VAV3: variants seen among roughly 807,000 people sequenced by gnomAD.
The protein encoded by VAV3 is guanine nucleotide exchange factor VAV3.
VAV3 carries 94 observed loss-of-function variants against 131.2 expected under a neutral mutation model. The ratio of observed to expected loss-of-function variants is 0.72; its 90% CI spans 0.61 to 0.85. The LOEUF is 0.85. Ranked by LOEUF, VAV3 falls within the 40% of genes least tolerant of loss-of-function variation. The pLI, the probability that VAV3 is intolerant of heterozygous loss-of-function variation, is 0.00. For synonymous variants in VAV3, 349 were observed against 342.0 expected, an observed-to-expected ratio of 1.02 and a Z score of -0.22; for missense variants, 939 against 1,002.7, an observed-to-expected ratio of 0.94 and a Z score of 0.86.
At chr1:107,955,377 T>C (rs976814278) in intron 1 of VAV3, among the ~76,000 whole-genome samples, 2 of 152,064 alleles carry the variant, frequency 1.3e-5, no homozygotes, top group African/African-American at 4.8e-5. Flanking sequence ...TTTCATCCCA[T>C]TGATGAATTT....
intron 2 of VAV3, among the ~76,000 whole-genome samples, chr1:107,822,867 G>A (rs571478222): frequency 7.9e-5 from 12 of 152,176 alleles, no homozygotes; most frequent in South Asian, 2.1e-4. Context: ...AGGTAATATG[G>A]ACATGTGAAG....
intron 15 of VAV3, among the ~76,000 whole-genome samples, chr1:107,729,861 C>G (rs912408991): frequency 7.9e-5 from 12 of 152,022 alleles, no homozygotes; most frequent in African/African-American, 2.9e-4. Flanking sequence ...TGTTTTTAGT[C>G]AAAAATTTTA....
At chr1:107,642,779 T>C (rs755634678) in intron 19 of VAV3, 24 bp from the exon 20 acceptor site, 3 of 1,612,636 alleles carry the variant, frequency 1.9e-6, no homozygotes. Flanking sequence ...AAACAAGTTT[T>C]AGAATTGAGA....
intron 19 of VAV3, chr1:107,669,468 C>T: frequency 7.8e-7 from 1 of 1,287,510 alleles, no homozygotes; most frequent in Admixed American, 2.3e-5. Context: ...GGAGACAGGG[C>T]ACATCTAATA....
At chr1:107,763,379 G>C (rs1664549056) in intron 9 of VAV3, among the ~76,000 whole-genome samples, 1 of 152,194 alleles carries the variant, frequency 6.6e-6, no homozygotes, top group African/African-American at 2.4e-5. Context: ...AAAGAAGGAA[G>C]AACAACACTC....
intron 17 of VAV3, among the ~76,000 whole-genome samples, chr1:107,701,708 T>C (rs1413693997): frequency 6.6e-6 from 1 of 152,138 alleles, no homozygotes; most frequent in Non-Finnish European, 1.5e-5. Context: ...TTTCAAATCA[T>C]CTCTCTCAAG....
chr1:107,876,383 T>C (rs1399804596), intron 1 of VAV3, among the ~76,000 whole-genome samples: 1 of 152,154 alleles, frequency 6.6e-6, no homozygotes, highest in African/African-American at 2.4e-5. Context: ...TCCTGAGTTT[T>C]GCTGCAGAGG....
At chr1:107,816,796 AC>A (rs1365036097) in intron 2 of VAV3, among the ~76,000 whole-genome samples, 1 of 152,222 alleles carries the variant, frequency 6.6e-6, no homozygotes, top group Non-Finnish European at 1.5e-5. Flanking sequence ...GTTTATTCAA[AC>A]CCTCTTATTT....
chr1:107,580,168 G>A (rs1649938537), intron 25 of VAV3, among the ~76,000 whole-genome samples: 1 of 152,188 alleles, frequency 6.6e-6, no homozygotes, highest in South Asian at 2.1e-4. Flanking sequence ...TCCTCCACAG[G>A]ATCAGGTCCA....
chr1:107,597,484 A>G (rs1570584142), intron 24 of VAV3, among the ~76,000 whole-genome samples: 1 of 152,210 alleles, frequency 6.6e-6, no homozygotes, highest in East Asian at 1.9e-4. Flanking sequence ...CCATTGAGGA[A>G]TTCTCATCTT....
intron 19 of VAV3, among the ~76,000 whole-genome samples, chr1:107,652,196 T>C (rs757607438): frequency 1.3e-5 from 2 of 152,120 alleles, no homozygotes; most frequent in African/African-American, 4.8e-5. Context: ...AAAACCAAGA[T>C]GGCCACGGGA....
intron 24 of VAV3, among the ~76,000 whole-genome samples, chr1:107,597,226 T>TAAAAAAAAAAAAAAA (rs11294561): frequency 7.2e-6 from 1 of 137,996 alleles, no homozygotes. Context: ...AAATAAAAAA[T>TAAAAAAAAAAAAAAA]AAAAAAAAAA....
intron 6 of VAV3, among the ~76,000 whole-genome samples, chr1:107,770,202 A>T (rs575208630): frequency 6.6e-6 from 1 of 151,990 alleles, no homozygotes; most frequent in African/African-American, 2.4e-5. Context: ...CACGGCTTAT[A>T]CCCTCAGTTC....
chr1:107,842,154 A>G (rs1668746546), intron 2 of VAV3, among the ~76,000 whole-genome samples: 2 of 152,190 alleles, frequency 1.3e-5, no homozygotes, highest in South Asian at 4.1e-4. Context: ...CTTCATACTT[A>G]TATTGTCTAC....
intron 1 of VAV3, among the ~76,000 whole-genome samples, chr1:107,946,330 G>C (rs978972365): frequency 2.6e-5 from 4 of 152,176 alleles, no homozygotes; most frequent in African/African-American, 9.7e-5. Flanking sequence ...TTACAGATGA[G>C]AAAATAGATT....
In VAV3 at chr1:107,574,038, C is replaced by T; in HGVS notation, c.2502+9G>A. 1 of 1,613,324 alleles carries T rather than the reference C, an allele frequency of 6.2e-7. No homozygotes were observed. The highest frequency in any genetic ancestry group is 8.5e-7 in the Non-Finnish European group (1 of 1,179,632). On this transcript the variant is annotated intron_variant, in intron 26 of 26. Coordinates refer to ENST00000370056, the MANE Select transcript of VAV3 (RefSeq NM_006113.5). ...CACATGCACCAGCACATCGAGAGGG[C>T]CAACTTACCCTGCCATTTACTTCTC...
intron 2 of VAV3, among the ~76,000 whole-genome samples, chr1:107,785,119 C>T (rs1286701774): frequency 6.6e-6 from 1 of 152,180 alleles, no homozygotes; most frequent in African/African-American, 2.4e-5. Context: ...AAACTATTCT[C>T]TTCATGAGAC....
intron 20 of VAV3, among the ~76,000 whole-genome samples, chr1:107,629,072 C>T (rs563654099): frequency 1.3e-5 from 2 of 152,194 alleles, no homozygotes; most frequent in Admixed American, 6.5e-5. Context: ...TTATAATTGC[C>T]TTTTGGTTCC....
intron 19 of VAV3, among the ~76,000 whole-genome samples, chr1:107,681,054 A>G (rs987934097): frequency 1.2e-4 from 19 of 152,206 alleles, no homozygotes; most frequent in South Asian, 2.1e-4. Flanking sequence ...GTTCCTTTCC[A>G]GTGCAAAAGG....
Sources: gnomAD v4.1 joint callset for allele counts (sites outside exome capture counted in the v4.1 genomes callset) on GRCh38, gnomAD v4.1.1 for gene constraint, MANE v1.5 for transcripts, NCBI Gene and HGNC (gene_info 2026-07-23, HGNC 2026-07-21) for gene names.